Variants in FBXL7 observed in about 807,000 individuals in gnomAD.
The protein encoded by FBXL7 is F-box/LRR-repeat protein 7.
In FBXL7, 12 loss-of-function variants were observed where a neutral mutation model predicts 38.3. The ratio of observed to expected loss-of-function variants is 0.31; its 90% CI spans 0.20 to 0.51. The LOEUF (loss-of-function observed/expected upper bound fraction) is 0.51, where lower values mean the gene tolerates loss of function less well. Ranked by LOEUF, FBXL7 falls within the 20% of genes least tolerant of loss-of-function variation. FBXL7 has a pLI of 0.98. For missense variants in FBXL7, 567 were observed against 676.4 expected (o/e 0.84, Z 1.79); for synonymous variants, 297 against 300.9 (o/e 0.99, Z 0.13).
chr5:15,712,068 C>T (rs1007199672), intron 2 of FBXL7, among the ~76,000 whole-genome samples: 6 of 152,044 alleles, frequency 3.9e-5, no homozygotes, highest in South Asian at 2.1e-4. Flanking sequence ...TGCAGTCACC[C>T]GGAGATCCCA....
intron 2 of FBXL7, among the ~76,000 whole-genome samples, chr5:15,810,574 A>AC (rs1284301966): frequency 1.3e-5 from 2 of 151,538 alleles, no homozygotes; most frequent in South Asian, 2.3e-4. Context: ...AAAAAAAAAA[A>AC]AGTATAAAAC....
Position 15,644,633 on chromosome 5 carries a change from C to T in FBXL7, c.127+28561C>T, listed in dbSNP as rs184940819. Among the ~76,000 whole-genome samples, 268 of 152,230 alleles carry T rather than the reference C, an allele frequency of 1.8e-3. 1 individual carries two copies. The highest frequency in any genetic ancestry group is 6.2e-3 in the African/African-American group (258 of 41,550). ...GGAACACTCCTTCAGTCTCAAGATG[C>T]CTTCAGTTTGACTTTTGCTTTTAGG... is the stretch of plus-strand genomic sequence containing the variant. On this transcript the variant is annotated intron_variant, in intron 2 of 3. Transcript: ENST00000504595.
intron 2 of FBXL7, among the ~76,000 whole-genome samples, chr5:15,749,674 A>T (rs1736107172): frequency 6.6e-6 from 1 of 152,210 alleles, no homozygotes; most frequent in Non-Finnish European, 1.5e-5. Flanking sequence ...AGCAGTGTTG[A>T]TGCAGGAAGA....
intron 2 of FBXL7, among the ~76,000 whole-genome samples, chr5:15,808,127 A>G (rs574368254): frequency 8.8e-6 from 1 of 113,766 alleles, no homozygotes; most frequent in East Asian, 2.8e-4. Context: ...AGGCCTGGCT[A>G]ATTTATGATT....
chr5:15,777,814 G>C (rs974395234), intron 2 of FBXL7, among the ~76,000 whole-genome samples: 10 of 145,194 alleles, frequency 6.9e-5, no homozygotes, highest in African/African-American at 2.6e-4. Flanking sequence ...TGAGCAAAAA[G>C]CACTACTATT....
intron 2 of FBXL7, among the ~76,000 whole-genome samples, chr5:15,768,696 G>A (rs371494325): frequency 6.6e-6 from 1 of 152,182 alleles, no homozygotes. Flanking sequence ...AGTACACACA[G>A]AGCGTGGTCC....
intron 1 of FBXL7, among the ~76,000 whole-genome samples, chr5:15,557,579 A>G (rs920725027): frequency 3.9e-5 from 6 of 152,200 alleles, no homozygotes; most frequent in African/African-American, 1.4e-4. Context: ...TTTACTTGAT[A>G]TTAGCTGCTC....
intron 2 of FBXL7, among the ~76,000 whole-genome samples, chr5:15,834,973 C>T (rs1249982145): frequency 6.6e-6 from 1 of 152,188 alleles, no homozygotes; most frequent in Non-Finnish European, 1.5e-5. Context: ...GTGTTAATCA[C>T]ATATCAGTAG....
At chr5:15,583,371 C>T (rs1238188042) in intron 1 of FBXL7, among the ~76,000 whole-genome samples, 1 of 152,190 alleles carries the variant, frequency 6.6e-6, no homozygotes, top group Non-Finnish European at 1.5e-5. Context: ...AGTCTTAACC[C>T]ATGTCAGCAT....
intron 2 of FBXL7, among the ~76,000 whole-genome samples, chr5:15,782,680 T>A (rs556054404): frequency 6.6e-6 from 1 of 152,256 alleles, no homozygotes; most frequent in Admixed American, 6.5e-5. Flanking sequence ...GAGCTATTGA[T>A]AACGCAGGAG....
intron 2 of FBXL7, among the ~76,000 whole-genome samples, chr5:15,793,556 G>A (rs946439070): frequency 1.3e-5 from 2 of 152,164 alleles, no homozygotes; most frequent in Non-Finnish European, 1.5e-5. Context: ...ATAAGGTGAC[G>A]TTGCTAGGTT....
chr5:15,744,149 A>G (rs1735957130), intron 2 of FBXL7, among the ~76,000 whole-genome samples: 3 of 152,232 alleles, frequency 2.0e-5, no homozygotes, highest in Admixed American at 1.3e-4. Flanking sequence ...CTTGTTACTC[A>G]TGCAAATTTC....
At chr5:15,750,022 C>A (rs993141281) in intron 2 of FBXL7, among the ~76,000 whole-genome samples, 1 of 152,220 alleles carries the variant, frequency 6.6e-6, no homozygotes, top group African/African-American at 2.4e-5. Flanking sequence ...CCTGCACAGA[C>A]TTATGCTTCA....
chr5:15,574,805 G>A (rs901097614), intron 1 of FBXL7, among the ~76,000 whole-genome samples: 2 of 152,170 alleles, frequency 1.3e-5, no homozygotes, highest in Non-Finnish European at 2.9e-5. Flanking sequence ...ACTAGTGCTT[G>A]TTGATGTAGG....
chr5:15,707,844 C>T (rs551249201), intron 2 of FBXL7, among the ~76,000 whole-genome samples: 6 of 152,144 alleles, frequency 3.9e-5, no homozygotes, highest in Non-Finnish European at 8.8e-5. Flanking sequence ...TGCTTGACCA[C>T]GTGAGAATGT....
At chr5:15,868,458 C>A (rs1386524924) in intron 2 of FBXL7, among the ~76,000 whole-genome samples, 1 of 152,216 alleles carries the variant, frequency 6.6e-6, no homozygotes, top group Non-Finnish European at 1.5e-5. Context: ...AAGATACCTT[C>A]TCCGGCATGG....
At position 15,838,346 on chromosome 5, in the gene FBXL7, C is replaced by A. The variant is rs1373216852; in HGVS notation, c.128-89544C>A. On this transcript the variant is annotated intron_variant, in intron 2 of 3. Transcript: ENST00000504595. ...TCAATTCCTCATAGATGGCCATCAT[C>A]TCATTGTGTCCTCATATTGTGGAAG... Among the ~76,000 whole-genome samples, 5 of 152,264 alleles carry A rather than the reference C, an allele frequency of 3.3e-5. No homozygotes were observed. In the East Asian group the frequency reaches 9.7e-4, roughly 29 times the overall value.
chr5:15,917,161 A>G (rs745903239), intron 2 of FBXL7, among the ~76,000 whole-genome samples: 14 of 152,208 alleles, frequency 9.2e-5, no homozygotes, highest in Non-Finnish European at 2.1e-4. Flanking sequence ...AGTGTTTTCT[A>G]AACTTAAGAC....
Position 15,846,634 on chromosome 5 carries a change from T to C in FBXL7, c.128-81256T>C, listed in dbSNP as rs373450248. Among the ~76,000 whole-genome samples, 81 of 152,314 alleles carry C rather than the reference T, an allele frequency of 5.3e-4. 1 individual carries two copies. In the South Asian group the frequency reaches 0.017, roughly 31 times the overall value. ...GTTGCAAAGTCCCTAGTTATACAGG[T>C]TGTTGGCTGCTTCTGACTGGTTGAG... On this transcript the variant is annotated intron_variant, in intron 2 of 3. Coordinates refer to ENST00000504595, the MANE Select transcript of FBXL7 (RefSeq NM_012304.5).
Sources: allele counts gnomAD v4.1 joint callset (sites outside exome capture counted in the v4.1 genomes callset), GRCh38; gene constraint gnomAD v4.1.1; transcripts MANE v1.5; gene names NCBI Gene and HGNC (gene_info 2026-07-23, HGNC 2026-07-21).